Variants in MIEN1 observed in about 807,000 individuals in gnomAD.
MIEN1 encodes the protein HBV X-transactivated gene 4 protein.
MIEN1 carries 12 observed loss-of-function variants against 15.5 expected under a neutral mutation model. That is an observed-to-expected ratio of 0.78 (90% CI 0.50 to 1.26). MIEN1 has a LOEUF of 1.26. Among genes scored for constraint, MIEN1 ranks in the 50% most tolerant of loss-of-function variants. The pLI is 0.00. For missense variants in MIEN1, 160 were observed against 151.7 expected (o/e 1.05, Z -0.29); for synonymous variants, 63 against 62.8 (o/e 1.00, Z -0.02).
chr17:39,730,236 G>T lies in MIEN1; in HGVS notation c.145C>A (p.Gln49Lys), dbSNP rs2059929884. Reference sequence around the variant, plus strand: ...GACTCGATCTCGATGCCCGGATACTGCTCCTTCACAGCACTGGCCAGCTCC... The same window carrying T: ...GACTCGATCTCGATGCCCGGATACTTCTCCTTCACAGCACTGGCCAGCTCC... Reference protein sequence around the residue: ...YLELASAVKEQYPGIEIESRL... With the variant: ...YLELASAVKEKYPGIEIESRL... Residue 49 changes from glutamine (Q) to lysine (K), a missense_variant, in exon 2 of 4, where the codon CAG becomes AAG. Physicochemically the swap from Gln to Lys is moderately conservative, Grantham distance 53 (BLOSUM62 1). Coordinates refer to ENST00000394231, the MANE Select transcript of MIEN1 (RefSeq NM_032339.5). 2.5e-6 allele frequency: 4 copies of T among 1,609,166 alleles called. No individual in the cohort carries two copies. The East Asian group carries it at 6.7e-5, about 27-fold the overall frequency.
chr17:39,729,699 G>A lies in MIEN1; in HGVS notation c.250C>T (p.Pro84Ser). Residue 84 changes from proline to serine, a missense_variant, in exon 3 of 4, where the codon CCC (proline) becomes TCC (serine). Pro to Ser is a moderately conservative substitution (Grantham distance 74). Coordinates refer to ENST00000394231, the MANE Select transcript of MIEN1 (RefSeq NM_032339.5). ...TAAATACTCACATCTTTCTCATAGG[G>A]AAAGCCCCCATTCTCCAGCTTGGAG... ...VFSKLENGGF[P>S]YEKDLIEAIR... The A allele has an allele frequency of 6.2e-7, 1 of 1,614,170 alleles. No individual in the cohort carries two copies. Among genetic ancestry groups the A allele is most frequent in the Non-Finnish European group, 8.5e-7 (1 of 1,180,020 alleles).
rs749020439 is a variant in MIEN1, at chr17:39,729,785, T to C, written c.188-24A>G. 6.0e-5 allele frequency: 97 copies of C among 1,613,854 alleles called. No individual in the cohort carries two copies. The East Asian group carries it at 2.1e-3, about 35-fold the overall frequency. ...ACCTGGTAAGAAATCAACAGATAAA[T>C]GGTACACTGAGAACATAGGCAGAAG... On this transcript the variant is annotated intron_variant, in intron 2 of 3. Coordinates refer to ENST00000394231, the MANE Select transcript of MIEN1 (RefSeq NM_032339.5).
At position 39,729,333 on chromosome 17, in the gene MIEN1, G is replaced by C. The variant is rs1457345279; in HGVS notation, c.*189C>G. 30 of 670,928 alleles carry C rather than the reference G, an allele frequency of 4.5e-5. No homozygotes were observed. The highest frequency in any genetic ancestry group is 6.4e-5 in the Non-Finnish European group (25 of 392,892). 41.6% of individuals were successfully genotyped at this position (670,928 alleles called of 1,614,324 possible). On this transcript the variant is annotated 3_prime_UTR_variant, in exon 4 of 4. Transcript: ENST00000394231. Reference sequence around the variant, plus strand: ...GGCTGGAGAAGTGTTCATGGAGAGTGTCTCTCTCCTGCCCCCAAGGCCACG... The same window carrying C: ...GGCTGGAGAAGTGTTCATGGAGAGTCTCTCTCTCCTGCCCCCAAGGCCACG...
chr17:39,730,376 G>T, intron 1 of MIEN1, 31 bp downstream of exon 1: 2 of 1,554,534 alleles, frequency 1.3e-6, no homozygotes. Context: ...CGCGGGACCA[G>T]GGTGCGGGTC....
chr17:39,729,450 G>C lies in MIEN1; in HGVS notation c.*72C>G. The C allele has an allele frequency of 6.3e-7, 1 of 1,588,016 alleles. No individual in the cohort carries two copies. Among genetic ancestry groups the C allele is most frequent in the Non-Finnish European group, 8.6e-7 (1 of 1,160,994 alleles). On this transcript the variant is annotated 3_prime_UTR_variant, in exon 4 of 4. Transcript: ENST00000394231. The stretch of plus-strand genomic sequence containing the variant: ...TAAGTAGGGGAAAGAGGCAGGGGGA[G>C]CTCCCAGCAGGACCAAAGGGAGACC...
In MIEN1 at chr17:39,729,209, G is replaced by C. The variant is rs548888736; in HGVS notation, c.*313C>G. 4.0e-5 allele frequency: 17 copies of C among 424,864 alleles called. No individual in the cohort carries two copies. In the South Asian group the frequency reaches 4.3e-4, roughly 11 times the overall value. The allele number at this position is 424,864 out of a possible 1,614,324, so 26.3% of individuals were successfully genotyped here. ...AATAGCTGACATTGCCCTGGGTTAG[G>C]GGAGAATAAATAAAATCTGTGGCAT... On this transcript the variant is annotated 3_prime_UTR_variant, in exon 4 of 4. Transcript: ENST00000394231.
At chr17:39,729,951 C>A (rs572421887) in intron 2 of MIEN1, 190 bp from the exon 3 acceptor site, 2 of 741,602 alleles carry the variant, frequency 2.7e-6, no homozygotes, top group East Asian at 2.7e-5. Context: ...GTGTGCCCCT[C>A]GCAACACTCA....
rs1479511802 is a variant in MIEN1 at position 39,728,536 on chromosome 17, G to T, written c.*986C>A. ...TTTCTGTTTAGTTTTTACTTTTTTT[G>T]TTTTGTTTTTTTAAAGATGAAATAA... On this transcript the variant is annotated 3_prime_UTR_variant, in exon 4 of 4. Coordinates refer to ENST00000394231, the MANE Select transcript of MIEN1 (RefSeq NM_032339.5). The T allele has an allele frequency of 4.3e-6, 1 of 235,244 alleles. No individual in the cohort carries two copies. Among genetic ancestry groups the T allele is most frequent in the East Asian group, 6.0e-5 (1 of 16,742 alleles). The allele number at this position is 235,244 out of a possible 1,614,324, so 14.6% of individuals were successfully genotyped here. A position where few individuals can be genotyped will look rare whatever the true frequency, so the allele number is the denominator to read the frequency against.
chr17:39,730,135 A>C (rs1241418052), intron 2 of MIEN1, 59 bp downstream of exon 2: 7 of 1,484,224 alleles, frequency 4.7e-6, no homozygotes, highest in Non-Finnish European at 6.4e-6. Context: ...AGAACTAGAA[A>C]GCGGGAGAGC....
rs140980514 is a variant in MIEN1, at chr17:39,730,228, C to T, written c.153G>A (p.Pro51=). ...CGAGGCGCGACTCGATCTCGATGCC[C>T]GGATACTGCTCCTTCACAGCACTGG... is the stretch of plus-strand genomic sequence containing the variant. The part of the protein sequence containing the change: ...ELASAVKEQY[P]GIEIESRLGG... Residue 51 remains proline, a synonymous_variant, in exon 2 of 4, where the codon CCG becomes CCA. Transcript: ENST00000394231. 1,327 of 1,608,844 alleles carry T rather than the reference C, an allele frequency of 8.2e-4. 2 individuals are homozygous for T. Among genetic ancestry groups the T allele is most frequent in the Non-Finnish European group, 1.0e-3 (1,203 of 1,179,548 alleles).
Position 39,729,597 on chromosome 17 carries a change from C to T in MIEN1, c.273G>A (p.Glu91=), listed in dbSNP as rs2059921996. 1 of 1,614,118 alleles carries T rather than the reference C, an allele frequency of 6.2e-7. No individual in the cohort carries two copies. Among genetic ancestry groups the T allele is most frequent in the Non-Finnish European group, 8.5e-7 (1 of 1,180,012 alleles). The change falls in exon 4 of 4, where the codon GAG becomes GAA. Residue 91 remains glutamate (E), a synonymous_variant. Transcript: ENST00000394231. The stretch of plus-strand genomic sequence containing the variant: ...CTCCATTACTGGCTCTTCGGATGGC[C>T]TCAATGAGCTAGAGGAGTGGAATGA... ...GGFPYEKDLI[E]AIRRASNGET...
intron 2 of MIEN1, 152 bp from the exon 3 acceptor site, chr17:39,729,913 T>G (rs779758560): frequency 9.9e-7 from 1 of 1,012,658 alleles, no homozygotes; most frequent in Non-Finnish European, 1.4e-6. Flanking sequence ...CTGGGTCAAC[T>G]CCAGGGAACC....
In MIEN1 at chr17:39,730,472, C is replaced by T; in HGVS notation, c.24G>A (p.Thr8=). MSGEPGQ[T]SVAPPPEEVE... is the part of the protein sequence containing the mutation. The stretch of plus-strand genomic sequence containing the variant: ...CCTCCTCGGGAGGGGGCGCTACGGA[C>T]GTCTGCCCCGGCTCCCCGCTCATCG... The change falls in exon 1 of 4, where the codon ACG becomes ACA. Residue 8 remains threonine, a synonymous_variant. Transcript: ENST00000394231. 1 of 1,540,196 alleles carries T rather than the reference C, an allele frequency of 6.5e-7. No individual in the cohort carries two copies. The highest frequency in any genetic ancestry group is 8.7e-7 in the Non-Finnish European group (1 of 1,145,542).
rs1026513945 is a variant in MIEN1 at position 39,728,861 on chromosome 17, C to T, written c.*661G>A. ...TCTGAGAGCCCTTTGACGACCAGATCATTCTTATTTAGAACGAACTAATTC... is the reference window on the plus strand; with the variant it reads ...TCTGAGAGCCCTTTGACGACCAGATTATTCTTATTTAGAACGAACTAATTC... On this transcript the variant is annotated 3_prime_UTR_variant, in exon 4 of 4. Transcript: ENST00000394231. 5 of 190,354 alleles carry T rather than the reference C, an allele frequency of 2.6e-5. No homozygotes were observed. The highest frequency in any genetic ancestry group is 5.5e-5 in the Non-Finnish European group (5 of 90,904). The allele number at this position is 190,354 out of a possible 1,614,324, so 11.8% of individuals were successfully genotyped here.
At position 39,729,330 on chromosome 17, in the gene MIEN1, A is replaced by C. The variant is rs886536394; in HGVS notation, c.*192T>G. The stretch of plus-strand genomic sequence containing the variant: ...GGTGGCTGGAGAAGTGTTCATGGAG[A>C]GTGTCTCTCTCCTGCCCCCAAGGCC... On this transcript the variant is annotated 3_prime_UTR_variant, in exon 4 of 4. Transcript: ENST00000394231. 1.5e-6 allele frequency: 1 copy of C among 656,784 alleles called. No homozygotes were observed. The highest frequency in any genetic ancestry group is 2.6e-6 in the Non-Finnish European group (1 of 381,598). 40.7% of individuals were successfully genotyped at this position (656,784 alleles called of 1,614,324 possible).
Position 39,730,497 on chromosome 17 carries a change from G to T in MIEN1, c.-2C>A. The T allele has an allele frequency of 6.5e-7, 1 of 1,532,098 alleles. No individual in the cohort carries two copies. Among genetic ancestry groups the T allele is most frequent in the South Asian group, 1.2e-5 (1 of 83,406 alleles). 94.9% of individuals were successfully genotyped at this position (1,532,098 alleles called of 1,614,324 possible). On this transcript the variant is annotated 5_prime_UTR_variant, in exon 1 of 4. Transcript: ENST00000394231. ...CGTCTGCCCCGGCTCCCCGCTCATCGCGGCCGGCTCCGCTCGGGCCCCTGC... is the reference window on the plus strand; with the variant it reads ...CGTCTGCCCCGGCTCCCCGCTCATCTCGGCCGGCTCCGCTCGGGCCCCTGC...
At position 39,729,530 on chromosome 17, in the gene MIEN1, T is replaced by C. The variant is rs1211437388; in HGVS notation, c.340A>G (p.Ile114Val). ...CCCAGAGTCCTGTGCAGTCACAGGA[T>C]GACGCAGGGAGGACGGCTGTTGGTG... ...KITNSRPPCVIL is the reference protein window; with the variant it reads ...KITNSRPPCVVL Residue 114 changes from isoleucine to valine, a missense_variant, in exon 4 of 4, where the codon ATC (isoleucine) becomes GTC (valine). Physicochemically the swap from Ile to Val is conservative, Grantham distance 29. Transcript: ENST00000394231. The C allele has an allele frequency of 6.2e-7, 1 of 1,613,556 alleles. No homozygotes were observed. The highest frequency in any genetic ancestry group is 1.3e-5 in the African/African-American group (1 of 74,880).
rs767589670 is a variant in MIEN1, at chr17:39,730,481, C to G, written c.15G>C (p.Pro5=). The change falls in exon 1 of 4, where the codon CCG becomes CCC. Residue 5 remains proline, a synonymous_variant. Transcript: ENST00000394231. ...GAGGGGGCGCTACGGACGTCTGCCC[C>G]GGCTCCCCGCTCATCGCGGCCGGCT... MSGE[P]GQTSVAPPPE... 126 of 1,536,064 alleles carry G rather than the reference C, an allele frequency of 8.2e-5. No homozygotes were observed. The highest frequency in any genetic ancestry group is 1.2e-5 in the South Asian group (1 of 83,548).
In MIEN1 at chr17:39,730,445, G is replaced by C; in HGVS notation, c.51C>G (p.Val17=). 1.1e-5 allele frequency: 17 copies of C among 1,550,312 alleles called. No individual in the cohort carries two copies. The highest frequency in any genetic ancestry group is 1.3e-5 in the Non-Finnish European group (15 of 1,148,728). ...CGATGCGGACCCCACTGCCCGGCTC[G>C]ACCTCCTCGGGAGGGGGCGCTACGG... ...QTSVAPPPEE[V]EPGSGVRIVV... Residue 17 remains valine (V), a synonymous_variant, in exon 1 of 4, where the codon GTC becomes GTG. Coordinates refer to ENST00000394231, the MANE Select transcript of MIEN1 (RefSeq NM_032339.5).
Sources: allele counts gnomAD v4.1 joint callset, GRCh38; gene constraint gnomAD v4.1.1; transcripts MANE v1.5; gene names NCBI Gene and HGNC (gene_info 2026-07-23, HGNC 2026-07-21).